Variants in FANK1 observed in about 807,000 individuals in gnomAD.
FANK1 encodes the protein fibronectin type 3 and ankyrin repeat domains protein 1.
In FANK1, 44 loss-of-function variants were observed where a neutral mutation model predicts 45.3. That is an observed-to-expected ratio of 0.97 (90% CI 0.76 to 1.25). The LOEUF is 1.25. Ranked by LOEUF, FANK1 falls within the 50% of genes most tolerant of loss-of-function variation. FANK1 has a pLI of 0.00. For synonymous variants in FANK1, 149 were observed against 152.5 expected (o/e 0.98, Z 0.17); for missense variants, 391 against 424.4 (o/e 0.92, Z 0.69).
intron 1 of FANK1, among the ~76,000 whole-genome samples, chr10:125,962,826 T>A (rs1950002680): frequency 6.6e-6 from 1 of 152,038 alleles, no homozygotes; most frequent in South Asian, 2.1e-4. Flanking sequence ...TTTTGAAAAA[T>A]TTATTTTTAT....
At chr10:125,931,160 T>A (rs577905418) in intron 1 of FANK1, among the ~76,000 whole-genome samples, 1 of 152,364 alleles carries the variant, frequency 6.6e-6, no homozygotes, top group South Asian at 2.1e-4. Flanking sequence ...AATTGTGAAT[T>A]GTGCCGCTAT....
chr10:125,976,362 A>G (rs1287175619), intron 1 of FANK1, among the ~76,000 whole-genome samples: 5 of 152,188 alleles, frequency 3.3e-5, no homozygotes, highest in African/African-American at 9.7e-5. Flanking sequence ...AGGTCCCTCT[A>G]GTAAGGTTAG....
intron 1 of FANK1, among the ~76,000 whole-genome samples, chr10:125,947,969 G>A (rs1408806298): frequency 3.3e-5 from 5 of 149,812 alleles, no homozygotes; most frequent in Non-Finnish European, 7.4e-5. Flanking sequence ...CTCACTCAAA[G>A]CCACTCAACT....
At chr10:125,913,171 C>T (rs1449708067) in intron 1 of FANK1, among the ~76,000 whole-genome samples, 1 of 151,430 alleles carries the variant, frequency 6.6e-6, no homozygotes. Context: ...TGGTGATTAT[C>T]AACAGAAATG....
At position 125,996,571 on chromosome 10, in the gene FANK1, C is replaced by T. The variant is rs1952346502; in HGVS notation, c.420C>T (p.Pro140=). 4 of 1,614,028 alleles carry T rather than the reference C, an allele frequency of 2.5e-6. No homozygotes were observed. The East Asian group carries it at 8.9e-5, about 36-fold the overall frequency. Residue 140 remains proline (P), a synonymous_variant, in exon 5 of 11, where the codon CCC becomes CCT. Coordinates refer to ENST00000368693, the MANE Select transcript of FANK1 (RefSeq NM_145235.5). ...LQGGRVKVDV[P]NKFGFTALMV... is the part of the protein sequence containing the mutation. ...CAAGCCGTGTTAAGGTTGATGTTCCCAATAAGTTTGGCTTTACCGCTCTGA... is the reference window on the plus strand; with the variant it reads ...CAAGCCGTGTTAAGGTTGATGTTCCTAATAAGTTTGGCTTTACCGCTCTGA...
intron 7 of FANK1, among the ~76,000 whole-genome samples, chr10:126,007,630 T>TTGTGTG (rs71486568): frequency 1.3e-5 from 2 of 151,950 alleles, no homozygotes; most frequent in South Asian, 2.1e-4. Context: ...CTGTAACAGA[T>TTGTGTG]TGTGTGTGTG....
At chr10:125,997,384 G>T in intron 5 of FANK1, 36 bp from the exon 6 acceptor site, 3 of 1,587,238 alleles carry the variant, frequency 1.9e-6, no homozygotes, top group South Asian at 2.2e-5. Context: ...TGATCAAGGT[G>T]ACTTATCTAG....
intron 1 of FANK1, among the ~76,000 whole-genome samples, chr10:125,912,562 A>G (rs1201971861): frequency 6.6e-6 from 1 of 152,140 alleles, no homozygotes; most frequent in African/African-American, 2.4e-5. Flanking sequence ...TGCTTTTTAA[A>G]TATCCTGGTT....
At chr10:125,962,347 G>C (rs1590063851) in intron 1 of FANK1, among the ~76,000 whole-genome samples, 1 of 152,078 alleles carries the variant, frequency 6.6e-6, no homozygotes, top group African/African-American at 2.4e-5. Context: ...TGGGGTTGTT[G>C]GATTTGTGGG....
intron 1 of FANK1, among the ~76,000 whole-genome samples, chr10:125,896,867 A>G (rs1944573058): frequency 6.6e-6 from 1 of 152,162 alleles, no homozygotes. Context: ...CCGGCGCCCT[A>G]GAGTCCGCGC....
At chr10:125,951,448 A>T (rs1376039618) in intron 1 of FANK1, among the ~76,000 whole-genome samples, 1 of 152,182 alleles carries the variant, frequency 6.6e-6, no homozygotes, top group African/African-American at 2.4e-5. Context: ...TGAGTTGCTC[A>T]TTGTGACAGG....
intron 3 of FANK1, chr10:125,989,163 G>A: frequency 1.2e-6 from 1 of 846,134 alleles, no homozygotes; most frequent in Non-Finnish European, 1.8e-6. Context: ...CATCCACGGA[G>A]AATCCTGTGA....
chr10:126,009,384 CTTA>C lies in FANK1; in HGVS notation c.988_990del (p.Leu330del). 1 of 1,613,940 alleles carries C rather than the reference CTTA, an allele frequency of 6.2e-7. No individual in the cohort carries two copies. The highest frequency in any genetic ancestry group is 8.5e-7 in the Non-Finnish European group (1 of 1,179,990). On this transcript the variant is annotated inframe_deletion, in exon 11 of 11. Transcript: ENST00000368693. ...TTTTGTTTATCTAGAGTGTAGTCTC[CTTA>C]TTAGAAGAAAGGAAAAAAAAGCAGA...
intron 7 of FANK1, among the ~76,000 whole-genome samples, chr10:126,007,933 CAG>C (rs1406694597): frequency 1.3e-5 from 2 of 152,200 alleles, no homozygotes; most frequent in Non-Finnish European, 2.9e-5. Flanking sequence ...ACTTTTCAGA[CAG>C]AGTTTGTGTA....
At chr10:125,963,923 C>T (rs1012916270) in intron 1 of FANK1, among the ~76,000 whole-genome samples, 4 of 151,932 alleles carry the variant, frequency 2.6e-5, no homozygotes, top group African/African-American at 9.7e-5. Context: ...GATAATTTTG[C>T]AGTGCAGCTT....
intron 1 of FANK1, chr10:125,960,252 A>C (rs1257015027): frequency 3.4e-6 from 1 of 297,554 alleles, no homozygotes; most frequent in Admixed American, 3.7e-5. Context: ...TCCTGCTGGA[A>C]CACTGACCAG....
At chr10:125,953,005 T>C (rs1364583037) in intron 1 of FANK1, among the ~76,000 whole-genome samples, 3 of 152,314 alleles carry the variant, frequency 2.0e-5, no homozygotes, top group African/African-American at 7.2e-5. Context: ...TTCAGGATAC[T>C]GGTCAGCCTC....
At chr10:125,916,388 C>T (rs1185896945) in intron 1 of FANK1, among the ~76,000 whole-genome samples, 1 of 151,930 alleles carries the variant, frequency 6.6e-6, no homozygotes, top group Non-Finnish European at 1.5e-5. Context: ...ATTCCCCTCA[C>T]ATAGGTTTAT....
intron 1 of FANK1, among the ~76,000 whole-genome samples, chr10:125,968,999 G>A (rs745826274): frequency 2.0e-5 from 3 of 152,070 alleles, no homozygotes; most frequent in Non-Finnish European, 4.4e-5. Context: ...TGTCAGATTT[G>A]CATAAGAACT....
Sources: allele counts gnomAD v4.1 joint callset (sites outside exome capture counted in the v4.1 genomes callset), GRCh38; gene constraint gnomAD v4.1.1; transcripts MANE v1.5; gene names NCBI Gene and HGNC (gene_info 2026-07-23, HGNC 2026-07-21).